Variants in KALRN observed in about 807,000 individuals in gnomAD.
KALRN encodes the protein kalirin.
A neutral mutation model predicts 353.7 loss-of-function variants in KALRN; 70 were observed. The ratio of observed to expected loss-of-function variants is 0.20; its 90% confidence interval spans 0.16 to 0.24. The LOEUF (loss-of-function observed/expected upper bound fraction) is 0.24. KALRN is among the 10% of genes least tolerant of loss of function. The probability of loss-of-function intolerance (pLI) is 1.00; values close to 1 mark genes in which losing one functional copy is unlikely to be tolerated. For synonymous variants in KALRN, 1,391 were observed against 1,434.8 expected (o/e 0.97, Z 0.69); for missense variants, 2,791 against 3,756.7 (o/e 0.74, Z 6.72).
At chr3:124,372,242 A>AT (rs2085940602) in intron 10 of KALRN, among the ~76,000 whole-genome samples, 1 of 152,032 alleles carries the variant, frequency 6.6e-6, no homozygotes, top group Admixed American at 6.6e-5. Flanking sequence ...GATTTTTTCC[A>AT]TTTTTTCTAA....
chr3:124,534,782 G>A (rs1285170173), intron 33 of KALRN, among the ~76,000 whole-genome samples: 1 of 72,266 alleles, frequency 1.4e-5, no homozygotes, highest in Non-Finnish European at 2.7e-5. Context: ...TTCCTGGCCT[G>A]AAACAATTTT....
intron 1 of KALRN, among the ~76,000 whole-genome samples, chr3:124,043,652 G>C (rs2040164293): frequency 6.6e-6 from 1 of 152,158 alleles, no homozygotes; most frequent in Admixed American, 6.5e-5. Context: ...CATGCTTGGG[G>C]AGGGTAGTAC....
chr3:124,222,224 A>G (rs1310429439), intron 1 of KALRN, among the ~76,000 whole-genome samples: 2 of 152,256 alleles, frequency 1.3e-5, no homozygotes, highest in African/African-American at 4.8e-5. Context: ...AATTCTGAGC[A>G]GTTTGGACAG....
intron 13 of KALRN, among the ~76,000 whole-genome samples, chr3:124,400,186 A>G (rs530183284): frequency 8.1e-4 from 123 of 152,286 alleles, no homozygotes; most frequent in Non-Finnish European, 1.2e-3. Flanking sequence ...AATCCAACTC[A>G]GTACAAGAGA....
At chr3:124,610,965 G>T (rs1313230125) in intron 34 of KALRN, among the ~76,000 whole-genome samples, 1 of 152,176 alleles carries the variant, frequency 6.6e-6, no homozygotes, top group Non-Finnish European at 1.5e-5. Flanking sequence ...GATCGAGACT[G>T]CAGTGAACCA....
At chr3:124,493,647 G>T (rs1414273146) in intron 32 of KALRN, among the ~76,000 whole-genome samples, 1 of 152,328 alleles carries the variant, frequency 6.6e-6, no homozygotes, top group Non-Finnish European at 1.5e-5. Flanking sequence ...CCCTGTACCT[G>T]AATGGAATAA....
At chr3:124,623,397 T>TACACACACACACACACACAC (rs1561450499) in intron 34 of KALRN, among the ~76,000 whole-genome samples, 1 of 65,260 alleles carries the variant, frequency 1.5e-5, no homozygotes, top group Non-Finnish European at 2.5e-5. Context: ...TATATTTATT[T>TACACACACACACACACACAC]ATACACACAC....
intron 3 of KALRN, among the ~76,000 whole-genome samples, chr3:124,250,659 T>G (rs192802342): frequency 9.5e-4 from 145 of 152,294 alleles, no homozygotes; most frequent in African/African-American, 3.4e-3. Context: ...TCATATAGCC[T>G]GACTAAGGGG....
chr3:124,411,280 C>T (rs932465220), intron 13 of KALRN, among the ~76,000 whole-genome samples: 1 of 151,872 alleles, frequency 6.6e-6, no homozygotes, highest in African/African-American at 2.4e-5. Context: ...TTGGCGATGA[C>T]TACATGGGTG....
chr3:124,048,486 C>CTT (rs778360297), intron 1 of KALRN, among the ~76,000 whole-genome samples: 5 of 144,286 alleles, frequency 3.5e-5, no homozygotes, highest in East Asian at 4.0e-4. Flanking sequence ...AGCTTTACCT[C>CTT]TTTTTTTTTT....
chr3:124,149,707 T>C (rs556117607), intron 1 of KALRN, among the ~76,000 whole-genome samples: 20 of 152,194 alleles, frequency 1.3e-4, no homozygotes, highest in Non-Finnish European at 2.8e-4. Flanking sequence ...TCTATTTTCA[T>C]TGTAAGGTGA....
At chr3:124,520,474 G>A (rs1365256963) in intron 33 of KALRN, among the ~76,000 whole-genome samples, 1 of 152,046 alleles carries the variant, frequency 6.6e-6, no homozygotes, top group Non-Finnish European at 1.5e-5. Context: ...ACTAGCTAGG[G>A]CAGGGGTCCC....
rs938509742 is a variant in KALRN at position 124,090,318 on chromosome 3, C to T, written c.73+56505C>T. Among the ~76,000 whole-genome samples the T allele has an allele frequency of 5.3e-5, 8 of 152,292 alleles. No homozygotes were observed. The East Asian group carries it at 1.5e-3, about 29-fold the overall frequency. Reference sequence around the variant, plus strand: ...CAGCCAAGGCAGAGTTAAAGATCCTCAGCAGAGGTCGGAGGTGAGCAAGAT... The same window carrying T: ...CAGCCAAGGCAGAGTTAAAGATCCTTAGCAGAGGTCGGAGGTGAGCAAGAT... On this transcript the variant is annotated intron_variant, in intron 1 of 59. Coordinates refer to ENST00000682506, the MANE Select transcript of KALRN (RefSeq NM_001388419.1).
chr3:124,179,056 A>G (rs2073187458), intron 1 of KALRN, among the ~76,000 whole-genome samples: 1 of 152,184 alleles, frequency 6.6e-6, no homozygotes, highest in Admixed American at 6.5e-5. Context: ...ACAGTGAGCT[A>G]TGATCACACT....
intron 1 of KALRN, among the ~76,000 whole-genome samples, chr3:124,160,485 T>C (rs1299593834): frequency 6.6e-6 from 1 of 152,086 alleles, no homozygotes; most frequent in East Asian, 1.9e-4. Context: ...TGGGTTTGCT[T>C]TTATGTGAGT....
At chr3:124,145,345 A>G (rs1028120148) in intron 1 of KALRN, among the ~76,000 whole-genome samples, 1 of 152,196 alleles carries the variant, frequency 6.6e-6, no homozygotes, top group African/African-American at 2.4e-5. Context: ...GGAATTGCCT[A>G]TGGAACCTGA....
intron 1 of KALRN, among the ~76,000 whole-genome samples, chr3:124,171,270 T>G (rs915785176): frequency 1.3e-5 from 2 of 152,214 alleles, no homozygotes; most frequent in African/African-American, 4.8e-5. Context: ...GGGCAGTTTT[T>G]CTGCTGGTCT....
At chr3:124,636,920 T>C (rs1180963399) in intron 36 of KALRN, among the ~76,000 whole-genome samples, 1 of 152,180 alleles carries the variant, frequency 6.6e-6, no homozygotes, top group African/African-American at 2.4e-5. Flanking sequence ...AACACTAGTC[T>C]GTAGGCCTCC....
chr3:124,062,842 G>A (rs1233143850), intron 1 of KALRN, among the ~76,000 whole-genome samples: 2 of 152,322 alleles, frequency 1.3e-5, no homozygotes, highest in South Asian at 2.1e-4. Context: ...TGAAGTATAC[G>A]TAGAGAACTG....
Sources: gnomAD v4.1 joint callset for allele counts (sites outside exome capture counted in the v4.1 genomes callset) on GRCh38, gnomAD v4.1.1 for gene constraint, MANE v1.5 for transcripts, NCBI Gene and HGNC (gene_info 2026-07-23, HGNC 2026-07-21) for gene names.